Variants in SBF2 observed in about 807,000 individuals in gnomAD.
SBF2 encodes the protein myotubularin-related protein 13.
A neutral mutation model predicts 225.2 loss-of-function variants in SBF2; 112 were observed. The observed-to-expected ratio is 0.50, with a 90% CI of 0.43 to 0.58. The LOEUF is 0.58. Among genes scored for constraint, SBF2 ranks in the 20% least tolerant of loss-of-function variants. SBF2 has a pLI of 0.00. For synonymous variants in SBF2, 763 were observed against 773.3 expected (o/e 0.99, Z 0.22); for missense variants, 1,996 against 2,206.2 (o/e 0.90, Z 1.91).
intron 2 of SBF2, among the ~76,000 whole-genome samples, chr11:10,059,572 T>C (rs537340411): frequency 2.0e-4 from 31 of 152,252 alleles, no homozygotes; most frequent in Middle Eastern, 3.4e-3. Context: ...AACAACAGAA[T>C]ATACATTCTT....
intron 16 of SBF2, among the ~76,000 whole-genome samples, chr11:9,903,657 C>T (rs1861902419): frequency 6.6e-6 from 1 of 152,178 alleles, no homozygotes; most frequent in Non-Finnish European, 1.5e-5. Flanking sequence ...ACGTGAAGGT[C>T]AAGTGCCATT....
At chr11:10,166,870 G>C (rs1233039772) in intron 2 of SBF2, among the ~76,000 whole-genome samples, 1 of 152,042 alleles carries the variant, frequency 6.6e-6, no homozygotes, top group African/African-American at 2.4e-5. Flanking sequence ...ACTGAGGCGG[G>C]AGAATCACTT....
At chr11:10,262,489 C>G (rs1397544542) in intron 1 of SBF2, among the ~76,000 whole-genome samples, 1 of 152,118 alleles carries the variant, frequency 6.6e-6, no homozygotes, top group Non-Finnish European at 1.5e-5. Context: ...AGAGCACTCA[C>G]CTGGCAATAT....
At chr11:10,173,142 TAGTC>T (rs1455721182) in intron 2 of SBF2, among the ~76,000 whole-genome samples, 12 of 152,298 alleles carry the variant, frequency 7.9e-5, no homozygotes, top group African/African-American at 2.4e-4. Context: ...TTTAAAAACT[TAGTC>T]AGGAGAGGAG....
chr11:10,033,271 G>C (rs979423696), intron 3 of SBF2, among the ~76,000 whole-genome samples: 23 of 152,136 alleles, frequency 1.5e-4, no homozygotes, highest in Non-Finnish European at 2.9e-5. Context: ...ATGAGATTGT[G>C]ATAAATGCCC....
chr11:10,047,244 A>AAAT (rs1277011819), intron 2 of SBF2, among the ~76,000 whole-genome samples: 1 of 152,178 alleles, frequency 6.6e-6, no homozygotes, highest in Non-Finnish European at 1.5e-5. Context: ...AATCCCAGCA[A>AAAT]GTTATTTTAT....
chr11:10,081,997 A>G (rs1315460317), intron 2 of SBF2, among the ~76,000 whole-genome samples: 3 of 152,122 alleles, frequency 2.0e-5, no homozygotes, highest in Non-Finnish European at 4.4e-5. Flanking sequence ...TTGACTAACC[A>G]CGAAAAGGAG....
At chr11:9,970,331 C>T (rs1452390626) in intron 13 of SBF2, among the ~76,000 whole-genome samples, 5 of 151,994 alleles carry the variant, frequency 3.3e-5, no homozygotes, top group African/African-American at 1.2e-4. Context: ...CTCAGTCTCC[C>T]GAGGAGCTGG....
chr11:9,935,042 T>C (rs1011343648), intron 16 of SBF2, among the ~76,000 whole-genome samples: 4 of 152,188 alleles, frequency 2.6e-5, no homozygotes, highest in Non-Finnish European at 1.5e-5. Context: ...GACATGATTG[T>C]ATATTTAGAA....
At chr11:9,904,944 C>T (rs1862007213) in intron 16 of SBF2, among the ~76,000 whole-genome samples, 1 of 152,194 alleles carries the variant, frequency 6.6e-6, no homozygotes, top group South Asian at 2.1e-4. Context: ...ATCACTTGAG[C>T]CGAGCAGGTG....
chr11:9,899,338 T>TAAAAA (rs35977537), intron 16 of SBF2, among the ~76,000 whole-genome samples: 1 of 138,204 alleles, frequency 7.2e-6, no homozygotes, highest in African/African-American at 2.7e-5. Flanking sequence ...TACAAAAAAT[T>TAAAAA]AAAAAAAAAA....
At chr11:10,251,588 A>C (rs1470835835) in intron 1 of SBF2, among the ~76,000 whole-genome samples, 1 of 152,146 alleles carries the variant, frequency 6.6e-6, no homozygotes, top group Non-Finnish European at 1.5e-5. Context: ...CTCCTTCTTT[A>C]ATCTATTTAA....
intron 1 of SBF2, among the ~76,000 whole-genome samples, chr11:10,262,717 A>C (rs1163937298): frequency 1.3e-5 from 2 of 152,228 alleles, no homozygotes; most frequent in Non-Finnish European, 2.9e-5. Context: ...TACACTACAC[A>C]CACACATTGA....
chr11:9,913,793 C>T (rs1404658725), intron 16 of SBF2, among the ~76,000 whole-genome samples: 2 of 152,146 alleles, frequency 1.3e-5, no homozygotes, highest in East Asian at 1.9e-4. Flanking sequence ...AACTACAGAA[C>T]GCTTCTCTTC....
intron 1 of SBF2, among the ~76,000 whole-genome samples, chr11:10,288,984 C>A (rs1418701854): frequency 6.6e-6 from 1 of 152,198 alleles, no homozygotes; most frequent in Non-Finnish European, 1.5e-5. Context: ...CCATCCACGA[C>A]GCCCAGGCTT....
intron 32 of SBF2, among the ~76,000 whole-genome samples, chr11:9,806,601 T>G (rs1014607412): frequency 1.3e-5 from 2 of 152,214 alleles, no homozygotes; most frequent in Non-Finnish European, 1.5e-5. Context: ...GTATACTCTT[T>G]GCTGCAAAGA....
chr11:10,024,079 C>A (rs775759124), intron 6 of SBF2, among the ~76,000 whole-genome samples: 2 of 151,978 alleles, frequency 1.3e-5, no homozygotes, highest in Non-Finnish European at 2.9e-5. Context: ...CGAATCATGC[C>A]GTATATAATT....
intron 28 of SBF2, chr11:9,827,987 T>C: frequency 2.4e-6 from 1 of 410,430 alleles, no homozygotes; most frequent in Non-Finnish European, 4.2e-6. Context: ...TAGTAATACA[T>C]TTGACCATTC....
intron 1 of SBF2, among the ~76,000 whole-genome samples, chr11:10,197,133 G>A (rs1957404916): frequency 6.6e-6 from 1 of 152,038 alleles, no homozygotes; most frequent in African/African-American, 2.4e-5. Context: ...GAGGCATTCT[G>A]ACAACATTTC....
Sources: gnomAD v4.1 joint callset for allele counts (sites outside exome capture counted in the v4.1 genomes callset) on GRCh38, gnomAD v4.1.1 for gene constraint, MANE v1.5 for transcripts, NCBI Gene and HGNC (gene_info 2026-07-23, HGNC 2026-07-21) for gene names.